The following FIG4 variants were observed in gnomAD, a reference collection of about 807,000 sequenced individuals.
FIG4 encodes the protein polyphosphoinositide phosphatase.
A neutral mutation model predicts 118.6 loss-of-function variants in FIG4; 112 were observed. The observed-to-expected ratio is 0.94, with a 90% CI of 0.81 to 1.11. The LOEUF (loss-of-function observed/expected upper bound fraction) is 1.11. Among genes scored for constraint, FIG4 ranks in the 50% least tolerant of loss-of-function variants. FIG4 has a pLI of 0.00. For synonymous variants in FIG4, 369 were observed against 381.2 expected (o/e 0.97, Z 0.37); for missense variants, 969 against 1,111.7 (o/e 0.87, Z 1.83).
intron 22 of FIG4, among the ~76,000 whole-genome samples, chr6:109,808,423 G>T (rs1778632236): frequency 6.8e-6 from 1 of 147,948 alleles, no homozygotes; most frequent in Admixed American, 6.7e-5. Context: ...TGACAAAGCA[G>T]TAAAAATTAT....
intron 1 of FIG4, among the ~76,000 whole-genome samples, chr6:109,707,016 T>G (rs1186768393): frequency 6.6e-6 from 1 of 152,198 alleles, no homozygotes; most frequent in Non-Finnish European, 1.5e-5. Context: ...TTTGCCTGTC[T>G]GTCTAACTGC....
At chr6:109,692,283 A>G (rs374493467) in intron 1 of FIG4, among the ~76,000 whole-genome samples, 2 of 152,160 alleles carry the variant, frequency 1.3e-5, no homozygotes, top group East Asian at 3.9e-4. Flanking sequence ...GATATTAGGG[A>G]CTGTGTTTAA....
intron 3 of FIG4, among the ~76,000 whole-genome samples, chr6:109,718,016 G>A (rs1775486567): frequency 6.6e-6 from 1 of 152,146 alleles, no homozygotes; most frequent in Admixed American, 6.5e-5. Flanking sequence ...AGGCTTAATT[G>A]GCTCATGGTT....
At chr6:109,766,086 A>G (rs568553364) in intron 14 of FIG4, among the ~76,000 whole-genome samples, 1 of 152,326 alleles carries the variant, frequency 6.6e-6, no homozygotes, top group East Asian at 1.9e-4. Context: ...GGACCTTTGG[A>G]AAATGAGTAG....
intron 22 of FIG4, among the ~76,000 whole-genome samples, chr6:109,822,781 GTGTATGTATATATA>G (rs1266463917): frequency 3.2e-4 from 18 of 55,544 alleles, no homozygotes; most frequent in African/African-American, 1.2e-3. Context: ...ATGTGTGTGT[GTGTATGTATATATA>G]TATATATATA....
Position 109,738,477 on chromosome 6 carries a change from A to T in FIG4, c.775+24A>T, listed in dbSNP as rs773143655. 5 of 1,601,536 alleles carry T rather than the reference A, an allele frequency of 3.1e-6. No individual in the cohort carries two copies. The Admixed American group carries it at 8.3e-5, about 27-fold the overall frequency. On this transcript the variant is annotated intron_variant, in intron 7 of 22. Coordinates refer to ENST00000230124, the MANE Select transcript of FIG4 (RefSeq NM_014845.6). ...AAGTATCCTTTCTGAAGAAAAAGTA[A>T]GATACATATTACTAAACTTATGATG...
Position 109,743,104 on chromosome 6 carries a change from T to C in FIG4, c.877-6T>C. 6.2e-7 allele frequency: 1 copy of C among 1,611,242 alleles called. No individual in the cohort carries two copies. ...AAAATATTTTTCAATGCACCTTTCT[T>C]TTCAGGGTGATGTTGCAAATGAAGT... On this transcript the variant is annotated splice_region_variant and splice_polypyrimidine_tract_variant and intron_variant, in intron 8 of 22. Transcript: ENST00000230124.
chr6:109,726,444 G>A (rs1775818980), intron 3 of FIG4, among the ~76,000 whole-genome samples: 1 of 152,104 alleles, frequency 6.6e-6, no homozygotes, highest in African/African-American at 2.4e-5. Context: ...CCTCTGTTCT[G>A]TTCCATTGGT....
rs752054169 is a variant in FIG4, at chr6:109,796,890, T to G, written c.2546+39T>G. ...TAGATCTTTAAAGAAATCTTTGTAT[T>G]CATGCCACTCATAGGGCTTTCTTTA... is the stretch of plus-strand genomic sequence containing the variant. On this transcript the variant is annotated intron_variant, in intron 22 of 22. Coordinates refer to ENST00000230124, the MANE Select transcript of FIG4 (RefSeq NM_014845.6). The G allele has an allele frequency of 2.2e-5, 25 of 1,130,366 alleles. No homozygotes were observed. In the African/African-American group the frequency reaches 2.7e-4, roughly 12 times the overall value. 70.0% of individuals were successfully genotyped at this position (1,130,366 alleles called of 1,614,324 possible).
At chr6:109,741,594 C>G in intron 8 of FIG4, 50 bp downstream of exon 8, 3 of 1,153,504 alleles carry the variant, frequency 2.6e-6, no homozygotes, top group South Asian at 2.4e-5. Flanking sequence ...TTTATATCAG[C>G]TTTGCTGATG....
intron 22 of FIG4, among the ~76,000 whole-genome samples, chr6:109,799,118 T>C (rs1343406140): frequency 1.3e-5 from 2 of 152,264 alleles, no homozygotes; most frequent in Non-Finnish European, 2.9e-5. Context: ...TGATTTGATC[T>C]GTAATTGATC....
intron 1 of FIG4, among the ~76,000 whole-genome samples, chr6:109,703,659 C>T (rs1270756813): frequency 2.6e-5 from 4 of 152,198 alleles, no homozygotes; most frequent in Admixed American, 6.5e-5. Flanking sequence ...ACCTGTTTTG[C>T]ACCTCAGACA....
chr6:109,766,940 C>A, intron 15 of FIG4, 45 bp downstream of exon 15: 1 of 1,518,974 alleles, frequency 6.6e-7, no homozygotes, highest in Non-Finnish European at 9.1e-7. Context: ...CTCTGAAGTG[C>A]ATTTTTTGTA....
At chr6:109,817,569 A>T (rs75047926) in intron 22 of FIG4, among the ~76,000 whole-genome samples, 4,864 of 66,776 alleles carry the variant, frequency 0.073, 252 homozygotes, top group East Asian at 0.36. Context: ...GAGAGTGTGT[A>T]AAAAAAAAAA....
chr6:109,706,723 TGAAC>T (rs1168633150), intron 1 of FIG4, among the ~76,000 whole-genome samples: 1 of 152,222 alleles, frequency 6.6e-6, no homozygotes, highest in Non-Finnish European at 1.5e-5. Flanking sequence ...AGGTGCTTTG[TGAAC>T]GAACATTTTC....
chr6:109,779,802 C>T (rs1298501978), intron 16 of FIG4, among the ~76,000 whole-genome samples: 1 of 152,192 alleles, frequency 6.6e-6, no homozygotes, highest in East Asian at 1.9e-4. Flanking sequence ...CCAGAGGCAG[C>T]AACAGGACAA....
intron 1 of FIG4, among the ~76,000 whole-genome samples, chr6:109,693,242 A>G (rs1008825428): frequency 2.0e-5 from 3 of 152,176 alleles, no homozygotes; most frequent in African/African-American, 7.2e-5. Context: ...AGGATCAACC[A>G]TGTGCCTTCA....
intron 18 of FIG4, 152 bp downstream of exon 18, chr6:109,786,601 A>G: frequency 1.3e-6 from 1 of 782,554 alleles, no homozygotes; most frequent in African/African-American, 1.7e-5. Context: ...TGGGGAGCCC[A>G]CTACTTCAAG....
At chr6:109,815,503 C>T (rs1035184590) in intron 22 of FIG4, among the ~76,000 whole-genome samples, 1 of 130,252 alleles carries the variant, frequency 7.7e-6, no homozygotes, top group Non-Finnish European at 1.6e-5. Context: ...CTGCCCCCCC[C>T]ACCCCCCCGT....
Sources: allele counts gnomAD v4.1 joint callset (sites outside exome capture counted in the v4.1 genomes callset), GRCh38; gene constraint gnomAD v4.1.1; transcripts MANE v1.5; gene names NCBI Gene and HGNC (gene_info 2026-07-23, HGNC 2026-07-21).